MAF: variants seen among roughly 807,000 people sequenced by gnomAD.
MAF encodes the protein MAF bZIP transcription factor, also known as transcription factor Maf.
MAF carries 10 observed loss-of-function variants against 22.0 expected under a neutral mutation model. The ratio of observed to expected loss-of-function variants is 0.45; its 90% CI spans 0.28 to 0.77. The LOEUF (loss-of-function observed/expected upper bound fraction) is 0.77, where lower values mean the gene tolerates loss of function less well. Among genes scored for constraint, MAF ranks in the 30% least tolerant of loss-of-function variants. The pLI, the probability that MAF is intolerant of heterozygous loss-of-function variation, is 0.12. For synonymous variants in MAF, 337 were observed against 255.8 expected (o/e 1.32, Z -3.03); for missense variants, 544 against 548.4 (o/e 0.99, Z 0.08).
the MAF span, among the ~76,000 whole-genome samples, chr16:79,478,417 C>G: frequency 6.6e-6 from 1 of 152,110 alleles, no homozygotes; most frequent in Non-Finnish European, 1.5e-5. Flanking sequence ...CAGTTTGTTT[C>G]CAAAGCCTAC....
chr16:79,597,125 TA>T, intron 1 of MAF: 4 of 1,058,466 alleles, frequency 3.8e-6, no homozygotes, highest in Non-Finnish European at 4.6e-6. Flanking sequence ...CTACTTTTTT[TA>T]AACAGTCCCC....
the MAF span, among the ~76,000 whole-genome samples, chr16:79,228,836 T>C: frequency 1.3e-5 from 2 of 151,788 alleles, no homozygotes; most frequent in Non-Finnish European, 2.9e-5. Context: ...AGGGTGCAGG[T>C]TTAACAGAAG....
At chr16:79,413,413 T>A in the MAF span, among the ~76,000 whole-genome samples, 2 of 144,836 alleles carry the variant, frequency 1.4e-5, no homozygotes, top group Non-Finnish European at 3.0e-5. Context: ...CCGGCTAATT[T>A]TTTTTTTATT....
the MAF span, among the ~76,000 whole-genome samples, chr16:79,304,350 C>G: frequency 6.6e-6 from 1 of 152,166 alleles, no homozygotes; most frequent in African/African-American, 2.4e-5. Context: ...CGCTTGGACA[C>G]TGGGTGATAC....
At chr16:79,529,858 G>A in the MAF span, among the ~76,000 whole-genome samples, 1 of 152,078 alleles carries the variant, frequency 6.6e-6, no homozygotes, top group Admixed American at 6.5e-5. Flanking sequence ...CTACTCAGAA[G>A]GCTGAGGCAG....
At chr16:79,284,608 T>A in the MAF span, among the ~76,000 whole-genome samples, 1 of 152,232 alleles carries the variant, frequency 6.6e-6, no homozygotes, top group Non-Finnish European at 1.5e-5. Flanking sequence ...AATGATATAA[T>A]CATCGATAAT....
At chr16:79,490,418 T>C in the MAF span, among the ~76,000 whole-genome samples, 5 of 152,196 alleles carry the variant, frequency 3.3e-5, no homozygotes, top group Admixed American at 3.3e-4. Context: ...GTAGAGGGGA[T>C]TCCTCTGCCT....
At chr16:79,354,098 T>G in the MAF span, among the ~76,000 whole-genome samples, 2 of 152,078 alleles carry the variant, frequency 1.3e-5, no homozygotes, top group African/African-American at 4.8e-5. Flanking sequence ...GGGGCTCAAG[T>G]AACCCCCCAG....
chr16:79,295,447 C>A, the MAF span, among the ~76,000 whole-genome samples: 4 of 152,142 alleles, frequency 2.6e-5, no homozygotes, highest in Non-Finnish European at 2.9e-5. Context: ...GGTTACAGCT[C>A]GGTGTTTGCC....
At chr16:79,443,903 G>A in the MAF span, among the ~76,000 whole-genome samples, 1 of 152,026 alleles carries the variant, frequency 6.6e-6, no homozygotes, top group African/African-American at 2.4e-5. Flanking sequence ...AAAGCCACTT[G>A]TGGTTGTTTT....
chr16:79,590,888 C>T (rs1480119901), downstream of MAF, among the ~76,000 whole-genome samples: 7 of 152,090 alleles, frequency 4.6e-5, no homozygotes, highest in Non-Finnish European at 1.0e-4. Flanking sequence ...GCCTGCTTTC[C>T]TTCTGCAGAA....
the MAF span, among the ~76,000 whole-genome samples, chr16:79,487,796 T>C: frequency 6.6e-6 from 1 of 152,280 alleles, no homozygotes; most frequent in Non-Finnish European, 1.5e-5. Context: ...CCCCAAGTTG[T>C]TGGGAATCCC....
At chr16:79,437,385 C>G in the MAF span, among the ~76,000 whole-genome samples, 2 of 152,174 alleles carry the variant, frequency 1.3e-5, no homozygotes, top group Admixed American at 1.3e-4. Flanking sequence ...GCTGCACAAC[C>G]ACCGTGTGGC....
the MAF span, among the ~76,000 whole-genome samples, chr16:79,398,842 G>A: frequency 6.6e-6 from 1 of 152,104 alleles, no homozygotes; most frequent in Admixed American, 6.5e-5. Flanking sequence ...CTCCCCAGTT[G>A]AGCTAGGCCA....
the MAF span, among the ~76,000 whole-genome samples, chr16:79,360,077 C>T: frequency 6.6e-6 from 1 of 152,100 alleles, no homozygotes; most frequent in Non-Finnish European, 1.5e-5. Context: ...GACTTCCTGA[C>T]TCTTGGAATG....
At chr16:79,562,984 G>A in the MAF span, among the ~76,000 whole-genome samples, 1 of 152,130 alleles carries the variant, frequency 6.6e-6, no homozygotes, top group Non-Finnish European at 1.5e-5. Context: ...GTGTCTACTG[G>A]TCAGCAGGTT....
At chr16:79,207,742 A>G in the MAF span, among the ~76,000 whole-genome samples, 2 of 152,196 alleles carry the variant, frequency 1.3e-5, no homozygotes, top group Non-Finnish European at 2.9e-5. Context: ...TGTGAGTATT[A>G]TATTAGAGTA....
the MAF span, among the ~76,000 whole-genome samples, chr16:79,406,277 G>C: frequency 3.9e-4 from 59 of 152,332 alleles, no homozygotes; most frequent in African/African-American, 1.3e-3. Context: ...AACCAAGACA[G>C]AGTGGTCTGG....
the MAF span, among the ~76,000 whole-genome samples, chr16:79,541,140 T>C: frequency 6.6e-6 from 1 of 152,210 alleles, no homozygotes; most frequent in Non-Finnish European, 1.5e-5. Flanking sequence ...ACTAATCTAA[T>C]AGTGCTATAA....
Sources: gnomAD v4.1 joint callset for allele counts (sites outside exome capture counted in the v4.1 genomes callset) on GRCh38, gnomAD v4.1.1 for gene constraint, MANE v1.5 for transcripts, NCBI Gene and HGNC (gene_info 2026-07-23, HGNC 2026-07-21) for gene names.